ARMH1: variants seen among roughly 807,000 people sequenced by gnomAD.
The protein encoded by ARMH1 is armadillo-like helical domain containing protein 1.
ARMH1 carries 34 observed loss-of-function variants against 50.2 expected under a neutral mutation model. The observed-to-expected ratio is 0.68, with a 90% CI of 0.51 to 0.90. ARMH1 has a LOEUF of 0.90. Ranked by LOEUF, ARMH1 falls within the 40% of genes least tolerant of loss-of-function variation. The pLI is 0.00. For missense variants in ARMH1, 538 were observed against 553.9 expected (o/e 0.97, Z 0.29); for synonymous variants, 221 against 224.2 (o/e 0.99, Z 0.13).
intron 6 of ARMH1, chr1:44,721,761 G>GTC (rs997862973): frequency 2.6e-5 from 4 of 152,086 alleles, no homozygotes; most frequent in African/African-American, 7.2e-5. Flanking sequence ...CCACCCACAC[G>GTC]TCTCTCTTTA....
intron 1 of ARMH1, 32 bp from the exon 2 acceptor site, chr1:44,689,644 C>G (rs1046484279): frequency 6.7e-7 from 1 of 1,482,746 alleles, no homozygotes; most frequent in African/African-American, 1.4e-5. Context: ...CTAAACATTC[C>G]GGTAACCTGT....
chr1:44,685,963 C>T (rs1645459015), intron 1 of ARMH1, among the ~76,000 whole-genome samples: 1 of 152,132 alleles, frequency 6.6e-6, no homozygotes, highest in Admixed American at 6.6e-5. Context: ...ATATACCCAG[C>T]CAATCCAACA....
rs779434722 is a variant in ARMH1 at position 44,704,093 on chromosome 1, T to A, written c.644T>A (p.Ile215Asn). The change falls in exon 6 of 12, where the codon ATC (isoleucine) becomes AAC (asparagine). Residue 215 changes from isoleucine to asparagine, a missense_variant. Physicochemically the swap from Ile to Asn is moderately radical, Grantham distance 149. Coordinates refer to ENST00000535358, the MANE Select transcript of ARMH1 (RefSeq NM_001145636.2). ...SLQTLRTAQP[I>N]IGTTHPSIVD... ...TCCTGTTGTCTGTCTGGTCAGCCAA[T>A]CATTGGGACCACACACCCCAGCATC... is the stretch of plus-strand genomic sequence containing the variant. 6.5e-7 allele frequency: 1 copy of A among 1,546,702 alleles called. No homozygotes were observed. The highest frequency in any genetic ancestry group is 1.2e-5 in the South Asian group (1 of 83,892).
chr1:44,700,615 C>CAAA (rs71587059), intron 4 of ARMH1, among the ~76,000 whole-genome samples: 1 of 62,394 alleles, frequency 1.6e-5, no homozygotes, highest in Non-Finnish European at 3.7e-5. Context: ...GACTCCATCT[C>CAAA]AAAAAAAAAA....
intron 1 of ARMH1, among the ~76,000 whole-genome samples, chr1:44,675,169 T>C (rs144859002): frequency 2.6e-5 from 4 of 152,278 alleles, no homozygotes; most frequent in Non-Finnish European, 5.9e-5. Context: ...AGAATCAAGC[T>C]TTTGGCCCTC....
In ARMH1 at chr1:44,714,441, C is replaced by T. The variant is rs185665711; in HGVS notation, c.725-9681C>T. ...TCTCTACTAAAAATACAAAATTAGCCGGGCGTGGTGGTGCATGCCTGTAAT... is the reference window on the plus strand; with the variant it reads ...TCTCTACTAAAAATACAAAATTAGCTGGGCGTGGTGGTGCATGCCTGTAAT... On this transcript the variant is annotated intron_variant, in intron 6 of 11. Coordinates refer to ENST00000535358, the MANE Select transcript of ARMH1 (RefSeq NM_001145636.2). Among the ~76,000 whole-genome samples, 6 of 151,784 alleles carry T rather than the reference C, an allele frequency of 4.0e-5. No individual in the cohort carries two copies. In the South Asian group the frequency reaches 6.3e-4, roughly 16 times the overall value.
intron 1 of ARMH1, among the ~76,000 whole-genome samples, chr1:44,686,464 T>C (rs994942986): frequency 6.6e-6 from 1 of 151,766 alleles, no homozygotes; most frequent in Non-Finnish European, 1.5e-5. Context: ...TCACTTGAGC[T>C]CAGGAGTTTG....
intron 6 of ARMH1, among the ~76,000 whole-genome samples, chr1:44,712,492 G>A (rs2148722795): frequency 6.8e-6 from 1 of 147,730 alleles, no homozygotes. Context: ...AAAATTAGCT[G>A]GGCATGGTGG....
chr1:44,721,896 A>C (rs551119358), intron 6 of ARMH1: 3 of 152,222 alleles, frequency 2.0e-5, no homozygotes, highest in African/African-American at 7.2e-5. Context: ...AAGAGAAACC[A>C]GAGATCTGCC....
At chr1:44,707,338 G>A (rs1379209558) in intron 6 of ARMH1, among the ~76,000 whole-genome samples, 1 of 152,258 alleles carries the variant, frequency 6.6e-6, no homozygotes, top group East Asian at 1.9e-4. Flanking sequence ...CCAGACCTCT[G>A]AGCAACTCCA....
chr1:44,723,951 C>G, intron 6 of ARMH1, 171 bp from the exon 7 acceptor site: 2 of 782,080 alleles, frequency 2.6e-6, no homozygotes, highest in Non-Finnish European at 3.9e-6. Flanking sequence ...TCAGCCCCCT[C>G]CTCCTGCTCT....
At chr1:44,710,627 AAAG>A (rs1236363181) in intron 6 of ARMH1, among the ~76,000 whole-genome samples, 41 of 151,610 alleles carry the variant, frequency 2.7e-4, no homozygotes, top group Non-Finnish European at 5.5e-4. Context: ...AAAAAAAAAA[AAAG>A]AAAAGAAATT....
At chr1:44,708,208 A>G (rs1646431775) in intron 6 of ARMH1, among the ~76,000 whole-genome samples, 1 of 152,238 alleles carries the variant, frequency 6.6e-6, no homozygotes, top group South Asian at 2.1e-4. Context: ...GGTCCTAAAC[A>G]GTGGGTGACC....
intron 6 of ARMH1, among the ~76,000 whole-genome samples, chr1:44,708,373 A>G (rs564428357): frequency 6.6e-6 from 1 of 152,372 alleles, no homozygotes; most frequent in South Asian, 2.1e-4. Context: ...AGTAGGTGAC[A>G]GGGACTGATC....
chr1:44,696,348 C>T (rs1313027096), intron 2 of ARMH1, among the ~76,000 whole-genome samples: 1 of 152,232 alleles, frequency 6.6e-6, no homozygotes, highest in Non-Finnish European at 1.5e-5. Context: ...TGGAAGCTCT[C>T]AGTCATCCTC....
chr1:44,696,584 T>C (rs900396575), intron 2 of ARMH1, among the ~76,000 whole-genome samples: 1 of 152,230 alleles, frequency 6.6e-6, no homozygotes, highest in Non-Finnish European at 1.5e-5. Context: ...CAGAGTTTAA[T>C]TTTTCCACCA....
At chr1:44,699,956 A>G (rs1645989922) in intron 4 of ARMH1, among the ~76,000 whole-genome samples, 1 of 150,078 alleles carries the variant, frequency 6.7e-6, no homozygotes, top group South Asian at 2.1e-4. Context: ...CAGCCTCCCC[A>G]GTAACTGGGA....
intron 5 of ARMH1, among the ~76,000 whole-genome samples, chr1:44,702,577 T>TG (rs1249656382): frequency 6.6e-6 from 1 of 150,816 alleles, no homozygotes; most frequent in African/African-American, 2.4e-5. Context: ...CTGGGCGTGG[T>TG]GGTGTGTGCC....
Position 44,724,730 on chromosome 1 carries a change from C to G in ARMH1, c.1051-32C>G, listed in dbSNP as rs1469367131. On this transcript the variant is annotated intron_variant, in intron 9 of 11. Coordinates refer to ENST00000535358, the MANE Select transcript of ARMH1 (RefSeq NM_001145636.2). The surrounding 1 kb of genome is among the most constrained non-coding windows in gnomAD (Gnocchi z 6.4). ...GCGGCACCCGCAGCCCCGTCGCCCC[C>G]GCAGTCACGCCGCCTCGCCCGCGCG... 1 of 1,511,720 alleles carries G rather than the reference C, an allele frequency of 6.6e-7. No homozygotes were observed. The highest frequency in any genetic ancestry group is 8.8e-7 in the Non-Finnish European group (1 of 1,134,946). The allele number at this position is 1,511,720 out of a possible 1,614,324, so 93.6% of individuals were successfully genotyped here. A position where few individuals can be genotyped will look rare whatever the true frequency, so the allele number is the denominator to read the frequency against.
Sources: allele counts gnomAD v4.1 joint callset (sites outside exome capture counted in the v4.1 genomes callset), GRCh38; gene constraint gnomAD v4.1.1; non-coding constraint Gnocchi (gnomAD v3.1); transcripts MANE v1.5; gene names NCBI Gene and HGNC (gene_info 2026-07-23, HGNC 2026-07-21).